Variants in TXNRD1 observed in about 807,000 individuals in gnomAD.
The protein encoded by TXNRD1 is thioredoxin reductase 1, cytoplasmic.
A neutral mutation model predicts 80.3 loss-of-function variants in TXNRD1; 57 were observed. The observed-to-expected ratio is 0.71, with a 90% CI of 0.57 to 0.89. The LOEUF is 0.89. Among genes scored for constraint, TXNRD1 ranks in the 40% least tolerant of loss-of-function variants. TXNRD1 has a pLI of 0.00. For synonymous variants in TXNRD1, 291 were observed against 285.2 expected (o/e 1.02, Z -0.20); for missense variants, 730 against 803.0 (o/e 0.91, Z 1.10).
chr12:104,290,696 CAAA>C (rs1317106811), intron 4 of TXNRD1, among the ~76,000 whole-genome samples: 433 of 31,094 alleles, frequency 0.014, 7 homozygotes, highest in Non-Finnish European at 0.023. Context: ...GACCCTGTCT[CAAA>C]AAAAAAAAAA....
chr12:104,248,403 A>G lies in TXNRD1; in HGVS notation c.92-3124A>G, dbSNP rs113232310. Among the ~76,000 whole-genome samples the G allele has an allele frequency of 6.6e-5, 10 of 152,054 alleles. No individual in the cohort carries two copies. The East Asian group carries it at 1.7e-3, about 27-fold the overall frequency. On this transcript the variant is annotated intron_variant, in intron 1 of 16. Transcript: ENST00000525566. ...GGGTTCAAGCAGTTCTCCTGCCTCAACCTCCCAAGTAGCTGGGATTACAGG... is the reference window on the plus strand; with the variant it reads ...GGGTTCAAGCAGTTCTCCTGCCTCAGCCTCCCAAGTAGCTGGGATTACAGG...
intron 4 of TXNRD1, among the ~76,000 whole-genome samples, chr12:104,293,974 CAA>C (rs758953536): frequency 1.8e-4 from 27 of 152,072 alleles, no homozygotes; most frequent in Non-Finnish European, 3.7e-4. Flanking sequence ...GGAGAGGAGA[CAA>C]AGAGAAAGAC....
chr12:104,343,502 A>G (rs746332786), intron 16 of TXNRD1, among the ~76,000 whole-genome samples: 11 of 152,164 alleles, frequency 7.2e-5, no homozygotes, highest in Non-Finnish European at 1.2e-4. Context: ...TAGTTTCCAC[A>G]TTAAATAAAG....
At chr12:104,239,526 C>G (rs2032814387) in intron 1 of TXNRD1, among the ~76,000 whole-genome samples, 2 of 151,904 alleles carry the variant, frequency 1.3e-5, no homozygotes, top group South Asian at 2.1e-4. Context: ...AATCTCTTGT[C>G]TATTCAAGAT....
chr12:104,287,222 C>A, intron 3 of TXNRD1: 1 of 1,610,242 alleles, frequency 6.2e-7, no homozygotes, highest in Non-Finnish European at 8.5e-7. Flanking sequence ...CAGCAGTGTG[C>A]GTCTCGGGGA....
rs948034930 is a variant in TXNRD1 at position 104,251,401 on chromosome 12, CT to C, written c.92-125del. ...TAATCTTCATTAGAGTCCTTCCTTC[CT>C]CAGATTCCTTATTTTGGCCTGTGGG... On this transcript the variant is annotated intron_variant, in intron 1 of 16. Transcript: ENST00000525566. The C allele has an allele frequency of 3.2e-6, 3 of 930,988 alleles. No homozygotes were observed. In the African/African-American group the frequency reaches 5.0e-5, roughly 15 times the overall value. The allele number at this position is 930,988 out of a possible 1,614,324, so 57.7% of individuals were successfully genotyped here.
chr12:104,346,626 A>G (rs1319938104), intron 16 of TXNRD1, among the ~76,000 whole-genome samples: 1 of 152,100 alleles, frequency 6.6e-6, no homozygotes, highest in African/African-American at 2.4e-5. Flanking sequence ...TTTTATTATC[A>G]TGTATTGTTT....
chr12:104,286,932 T>C, intron 3 of TXNRD1: 1 of 1,188,384 alleles, frequency 8.4e-7, no homozygotes, highest in Non-Finnish European at 1.1e-6. Flanking sequence ...GGATTTCTGC[T>C]TTGTCATTCT....
chr12:104,288,644 C>A, intron 3 of TXNRD1: 2 of 761,232 alleles, frequency 2.6e-6, no homozygotes, highest in Non-Finnish European at 3.6e-6. Context: ...TTAATTTTAG[C>A]GGAGTAGTGC....
chr12:104,346,337 G>C (rs1054854576), intron 16 of TXNRD1, among the ~76,000 whole-genome samples: 6 of 152,150 alleles, frequency 3.9e-5, no homozygotes, highest in African/African-American at 1.4e-4. Context: ...ACTGATCAAC[G>C]ATGGCAGTTT....
chr12:104,305,916 T>C (rs577097231), intron 4 of TXNRD1, among the ~76,000 whole-genome samples: 31 of 152,238 alleles, frequency 2.0e-4, no homozygotes, highest in African/African-American at 4.8e-4. Flanking sequence ...TCTTTTTTTT[T>C]CCCCCTCGAG....
intron 4 of TXNRD1, chr12:104,304,134 C>G: frequency 6.2e-7 from 1 of 1,614,068 alleles, no homozygotes; most frequent in Non-Finnish European, 8.5e-7. Context: ...AACTCCTTAA[C>G]CGAGGCTCTG....
At chr12:104,313,514 A>G (rs953985646) in intron 6 of TXNRD1, among the ~76,000 whole-genome samples, 197 bp downstream of exon 6, 13 of 152,248 alleles carry the variant, frequency 8.5e-5, no homozygotes, top group African/African-American at 2.9e-4. Context: ...GTTCTTTGGC[A>G]CAGAGTCAAG....
At chr12:104,342,415 C>T (rs1832434041) in intron 16 of TXNRD1, among the ~76,000 whole-genome samples, 1 of 152,156 alleles carries the variant, frequency 6.6e-6, no homozygotes, top group Admixed American at 6.5e-5. Flanking sequence ...TTGCCAGGAA[C>T]CAGGGACAGG....
At chr12:104,286,310 A>T (rs901068964) in intron 3 of TXNRD1, 1 of 152,240 alleles carries the variant, frequency 6.6e-6, no homozygotes, top group African/African-American at 2.4e-5. Context: ...TAGTAGCTGC[A>T]GGTGGCTGGG....
At chr12:104,277,869 TG>T (rs1225849161) in intron 3 of TXNRD1, among the ~76,000 whole-genome samples, 1 of 144,288 alleles carries the variant, frequency 6.9e-6, no homozygotes, top group Non-Finnish European at 1.5e-5. Flanking sequence ...TTGTGACCTT[TG>T]GCAAGATTCT....
chr12:104,332,708 C>T (rs537486219), intron 14 of TXNRD1, among the ~76,000 whole-genome samples: 4 of 136,560 alleles, frequency 2.9e-5, no homozygotes, highest in South Asian at 4.6e-4. Flanking sequence ...AAGATTGCGC[C>T]ATTGCACTCC....
At chr12:104,258,227 G>T in intron 3 of TXNRD1, 148 bp downstream of exon 3, 1 of 619,658 alleles carries the variant, frequency 1.6e-6, no homozygotes, top group East Asian at 2.9e-5. Flanking sequence ...TTTTAGACAG[G>T]GTACTCTCCT....
intron 10 of TXNRD1, among the ~76,000 whole-genome samples, chr12:104,322,653 T>G (rs1021941620): frequency 1.8e-4 from 27 of 152,152 alleles, no homozygotes; most frequent in Admixed American, 4.6e-4. Context: ...GTGCTGAGAT[T>G]ACAGGCCTGA....
Sources: allele counts gnomAD v4.1 joint callset (sites outside exome capture counted in the v4.1 genomes callset), GRCh38; gene constraint gnomAD v4.1.1; transcripts MANE v1.5; gene names NCBI Gene and HGNC (gene_info 2026-07-23, HGNC 2026-07-21).